Variants in MTX2 observed in about 807,000 individuals in gnomAD.
MTX2 encodes the protein metaxin-2.
A neutral mutation model predicts 42.3 loss-of-function variants in MTX2; 35 were observed. The observed-to-expected ratio is 0.83, with a 90% confidence interval of 0.63 to 1.10. The LOEUF is 1.10. MTX2 is among the 50% of genes least tolerant of loss of function. The probability of loss-of-function intolerance (pLI) is 0.00; values close to 1 mark genes in which losing one functional copy is unlikely to be tolerated. For synonymous variants in MTX2, 119 were observed against 100.9 expected (o/e 1.18, Z -1.08); for missense variants, 307 against 304.1 (o/e 1.01, Z -0.07).
intron 1 of MTX2, among the ~76,000 whole-genome samples, chr2:176,282,126 G>GTTTTTTTTGTTTTTTTTGTT (rs767511650): frequency 1.1e-4 from 3 of 26,430 alleles, no homozygotes; most frequent in African/African-American, 3.3e-4. Context: ...AGTTACAGTA[G>GTTTTTTTTGTTTTTTTTGTT]TTTTTTTTTT....
chr2:176,324,158 C>T lies in MTX2; in HGVS notation c.208+694C>T, dbSNP rs141976483. 3.2e-3 allele frequency among the ~76,000 whole-genome samples: 483 copies of T among 151,444 alleles called. 6 individuals carry two copies. The East Asian group carries it at 0.035, about 11-fold the overall frequency. On this transcript the variant is annotated intron_variant, in intron 4 of 9. Transcript: ENST00000249442. ...TTATGGTTTTGTTGGAGCAATAATACGTAGAATTACTCCTTTTTGAATAAA... is the reference window on the plus strand; with the variant it reads ...TTATGGTTTTGTTGGAGCAATAATATGTAGAATTACTCCTTTTTGAATAAA...
chr2:176,287,095 T>C (rs1693223175), intron 1 of MTX2, among the ~76,000 whole-genome samples: 1 of 152,138 alleles, frequency 6.6e-6, no homozygotes, highest in African/African-American at 2.4e-5. Flanking sequence ...TGAGGTAGAC[T>C]TCAGTGTTTT....
At chr2:176,272,368 A>G (rs1000660916) in intron 1 of MTX2, among the ~76,000 whole-genome samples, 1 of 152,168 alleles carries the variant, frequency 6.6e-6, no homozygotes, top group African/African-American at 2.4e-5. Context: ...ACCACAGTTA[A>G]TAATAATGTA....
At position 176,269,468 on chromosome 2, in the gene MTX2, T is replaced by C; in HGVS notation, c.-162T>C. ...TCCCTAGCCAGGCCTGGCGGTAACC[T>C]TGGGGGCCTCACTGCAGCCGCCGCT... is the stretch of plus-strand genomic sequence containing the variant. On this transcript the variant is annotated 5_prime_UTR_variant, in exon 1 of 10. Transcript: ENST00000249442. The C allele has an allele frequency of 4.0e-6, 3 of 742,100 alleles. No individual in the cohort carries two copies. Among genetic ancestry groups the C allele is most frequent in the Non-Finnish European group, 4.1e-6 (2 of 487,954 alleles). 46.0% of individuals were successfully genotyped at this position (742,100 alleles called of 1,614,324 possible).
chr2:176,323,725 G>C (rs1684640134), intron 4 of MTX2, among the ~76,000 whole-genome samples: 1 of 151,676 alleles, frequency 6.6e-6, no homozygotes, highest in Non-Finnish European at 1.5e-5. Flanking sequence ...AATAGTAAAT[G>C]TTAAGGAAAT....
intron 3 of MTX2, among the ~76,000 whole-genome samples, chr2:176,306,780 T>A (rs1478876465): frequency 6.6e-6 from 1 of 152,228 alleles, no homozygotes; most frequent in Admixed American, 6.5e-5. Context: ...TAAATTTTTT[T>A]GAGTTCTTTG....
intron 1 of MTX2, among the ~76,000 whole-genome samples, chr2:176,279,962 A>G (rs894259269): frequency 1.3e-5 from 2 of 152,372 alleles, no homozygotes; most frequent in South Asian, 2.1e-4. Flanking sequence ...TTATCTTTGT[A>G]TCATAGGTAA....
At chr2:176,283,675 C>T (rs1693130917) in intron 1 of MTX2, among the ~76,000 whole-genome samples, 1 of 152,154 alleles carries the variant, frequency 6.6e-6, no homozygotes, top group Non-Finnish European at 1.5e-5. Context: ...TACTTAAAAA[C>T]ATAGGTGCTG....
At chr2:176,288,837 G>A (rs1693265335) in intron 1 of MTX2, among the ~76,000 whole-genome samples, 1 of 151,642 alleles carries the variant, frequency 6.6e-6, no homozygotes, top group Non-Finnish European at 1.5e-5. Context: ...AACAACAGAG[G>A]GCATCTCTTT....
chr2:176,271,998 G>C (rs552347746), intron 1 of MTX2, among the ~76,000 whole-genome samples: 286 of 152,202 alleles, frequency 1.9e-3, no homozygotes, highest in African/African-American at 6.5e-3. Context: ...AAGCAACCCA[G>C]GTGTTTATCA....
chr2:176,336,166 G>A (rs970772936), intron 9 of MTX2, among the ~76,000 whole-genome samples: 9 of 152,114 alleles, frequency 5.9e-5, no homozygotes, highest in Non-Finnish European at 7.4e-5. Flanking sequence ...TAATTAGCTC[G>A]TAATTATGAT....
chr2:176,277,459 G>A (rs1049453474), intron 1 of MTX2, among the ~76,000 whole-genome samples: 5 of 152,188 alleles, frequency 3.3e-5, no homozygotes, highest in Admixed American at 6.5e-5. Flanking sequence ...CTGGAGTGCA[G>A]TGGTACAATC....
At chr2:176,293,632 C>G (rs372276066) in intron 1 of MTX2, among the ~76,000 whole-genome samples, 28 of 152,186 alleles carry the variant, frequency 1.8e-4, no homozygotes, top group Middle Eastern at 3.2e-3. Flanking sequence ...CCTGCTCCCC[C>G]CTTTGCCTTC....
intron 3 of MTX2, among the ~76,000 whole-genome samples, chr2:176,302,047 G>GT (rs1216251665): frequency 1.3e-5 from 2 of 151,162 alleles, no homozygotes; most frequent in African/African-American, 4.9e-5. Context: ...TGTGCTAGCC[G>GT]TTGCACAACA....
chr2:176,327,080 CT>C (rs958748414), intron 5 of MTX2, among the ~76,000 whole-genome samples, 179 bp downstream of exon 5: 4 of 119,856 alleles, frequency 3.3e-5, no homozygotes, highest in Non-Finnish European at 7.7e-5. Context: ...AAAGAGGTAG[CT>C]TTTTTTCCTC....
rs145270609 is a variant in MTX2 at position 176,333,989 on chromosome 2, A to G, written c.620+3329A>G. ...ATGTATTCCTGTTAAGCAACACACA[A>G]CTGTATGTGCTTTGGTTTAATCTGT... On this transcript the variant is annotated intron_variant, in intron 9 of 9. Transcript: ENST00000249442. Among the ~76,000 whole-genome samples the G allele has an allele frequency of 4.3e-3, 659 of 151,868 alleles. 4 individuals are homozygous for G. The highest frequency in any genetic ancestry group is 7.2e-3 in the Admixed American group (109 of 15,208).
At chr2:176,327,036 G>A (rs1207850755) in intron 5 of MTX2, 135 bp downstream of exon 5, 8 of 481,500 alleles carry the variant, frequency 1.7e-5, no homozygotes, top group Non-Finnish European at 2.5e-5. Context: ...TATTTCTGAA[G>A]TGTAAGTTAG....
At chr2:176,271,340 C>T (rs1323987545) in intron 1 of MTX2, among the ~76,000 whole-genome samples, 1 of 151,972 alleles carries the variant, frequency 6.6e-6, no homozygotes, top group Admixed American at 6.6e-5. Flanking sequence ...CCTTGGATAG[C>T]AGAAGAGGCC....
intron 3 of MTX2, among the ~76,000 whole-genome samples, chr2:176,313,763 T>G (rs1428331772): frequency 6.6e-6 from 1 of 152,188 alleles, no homozygotes; most frequent in Non-Finnish European, 1.5e-5. Flanking sequence ...GTATGTTCAC[T>G]CGAATCTTTT....
Sources: allele counts gnomAD v4.1 joint callset (sites outside exome capture counted in the v4.1 genomes callset), GRCh38; gene constraint gnomAD v4.1.1; transcripts MANE v1.5; gene names NCBI Gene and HGNC (gene_info 2026-07-23, HGNC 2026-07-21).